TNNT1: variants seen among roughly 807,000 people sequenced by gnomAD.
The protein encoded by TNNT1 is troponin T, slow skeletal muscle.
Under a neutral mutation model 50.6 loss-of-function variants are expected in TNNT1, and 53 were observed. That is an observed-to-expected ratio of 1.05 (90% CI 0.84 to 1.32). TNNT1 has a LOEUF of 1.32. Among genes scored for constraint, TNNT1 ranks in the 40% most tolerant of loss-of-function variants. The pLI is 0.00. For synonymous variants in TNNT1, 142 were observed against 138.0 expected, an observed-to-expected ratio of 1.03 and a Z score of -0.20; for missense variants, 348 against 381.7, an observed-to-expected ratio of 0.91 and a Z score of 0.74.
At chr19:55,145,681 AG>A (rs2085536655) in intron 5 of TNNT1, 116 bp from the exon 6 acceptor site, 1 of 1,033,570 alleles carries the variant, frequency 9.7e-7, no homozygotes, top group East Asian at 2.4e-5. Context: ...ACCCCAGGGA[AG>A]GACTCTGGAG....
In TNNT1 at chr19:55,133,944, C is replaced by T; in HGVS notation, c.751-17G>A. The T allele has an allele frequency of 6.2e-7, 1 of 1,611,382 alleles. No homozygotes were observed. Among genetic ancestry groups the T allele is most frequent in the Non-Finnish European group, 8.5e-7 (1 of 1,180,014 alleles). On this transcript the variant is annotated splice_polypyrimidine_tract_variant and intron_variant, in intron 12 of 13. Coordinates refer to ENST00000588981, the MANE Select transcript of TNNT1 (RefSeq NM_003283.6). Reference sequence around the variant, plus strand: ...CACGTTGATCTGCGGAGGCAGAAGACAGATGCTGGGACAGCCGGTGGGGAC... The same window carrying T: ...CACGTTGATCTGCGGAGGCAGAAGATAGATGCTGGGACAGCCGGTGGGGAC...
In TNNT1 at chr19:55,145,706, G is replaced by A. The variant is rs932299654; in HGVS notation, c.107-141C>T. The A allele has an allele frequency of 2.4e-5, 19 of 797,704 alleles. No homozygotes were observed. The Middle Eastern group carries it at 1.4e-3, about 60-fold the overall frequency. 49.4% of individuals were successfully genotyped at this position (797,704 alleles called of 1,614,324 possible). A position where few individuals can be genotyped will look rare whatever the true frequency, so the allele number is the denominator to read the frequency against. ...AGGACTCTGGAGTCCAGTTCTGGAG[G>A]AGGGGGGATGGGGAGAAGAAAAGAG... On this transcript the variant is annotated intron_variant, in intron 5 of 13. Transcript: ENST00000588981.
intron 5 of TNNT1, 37 bp downstream of exon 5, chr19:55,146,397 C>G (rs573257853): frequency 2.2e-6 from 3 of 1,340,872 alleles, no homozygotes; most frequent in East Asian, 3.0e-5. Context: ...CCCGGGCCCC[C>G]GACATCGGTC....
Position 55,141,899 on chromosome 19 carries a change from C to A in TNNT1, c.150G>T (p.Leu50Phe), listed in dbSNP as rs1170778539. ...PKPSRPVVPPLIPPKIPEGER... is the reference protein window; with the variant it reads ...PKPSRPVVPPFIPPKIPEGER... ...CCCCTTCTGGGATCTTTGGCGGGAT[C>A]AAAGGAGGCACCACGGGGCGGCTGA... Residue 50 changes from leucine (L) to phenylalanine (F), a missense_variant, in exon 7 of 14, where the codon TTG becomes TTT. Transcript: ENST00000588981. 6.2e-7 allele frequency: 1 copy of A among 1,614,086 alleles called. No homozygotes were observed. The highest frequency in any genetic ancestry group is 8.5e-7 in the Non-Finnish European group (1 of 1,179,972).
intron 13 of TNNT1, chr19:55,133,644 C>T (rs1236327418): frequency 7.0e-6 from 4 of 575,500 alleles, no homozygotes; most frequent in Middle Eastern, 4.6e-4. Context: ...CTCCACTGCA[C>T]TCCAGCCTGG....
In TNNT1 at chr19:55,132,830, G is replaced by T; in HGVS notation, c.*85C>A. ...ATAATAACATCAGAGAACCCAGCGG[G>T]TGTCTGAGGGGAGCGTTTATTTCAA... On this transcript the variant is annotated 3_prime_UTR_variant, in exon 14 of 14. Coordinates refer to ENST00000588981, the MANE Select transcript of TNNT1 (RefSeq NM_003283.6). 7.7e-7 allele frequency: 1 copy of T among 1,296,516 alleles called. No individual in the cohort carries two copies. Among genetic ancestry groups the T allele is most frequent in the Non-Finnish European group, 1.1e-6 (1 of 914,308 alleles). 80.3% of individuals were successfully genotyped at this position (1,296,516 alleles called of 1,614,324 possible).
chr19:55,147,674 G>A (rs189363380), intron 1 of TNNT1, among the ~76,000 whole-genome samples: 9,088 of 92,504 alleles, frequency 0.098, 646 homozygotes, highest in African/African-American at 0.16. Flanking sequence ...AGGGAGGAGG[G>A]GCTGGGGTCT....
chr19:55,145,324 AGAAGGG>A, intron 6 of TNNT1: 2 of 595,570 alleles, frequency 3.4e-6, no homozygotes, highest in Non-Finnish European at 3.0e-6. Context: ...AAGGAGAAGG[AGAAGGG>A]GAAGGGGAAG....
At chr19:55,136,816 G>C (rs371110516) in intron 11 of TNNT1, among the ~76,000 whole-genome samples, 1 of 152,120 alleles carries the variant, frequency 6.6e-6, no homozygotes, top group Admixed American at 6.6e-5. Context: ...GGCACATCAC[G>C]GAGTTAACAA....
At chr19:55,140,478 C>T (rs1423586848) in intron 9 of TNNT1, among the ~76,000 whole-genome samples, 2 of 148,924 alleles carry the variant, frequency 1.3e-5, no homozygotes, top group African/African-American at 2.5e-5. Flanking sequence ...TCCAAATAAA[C>T]GAATAAAAAA....
chr19:55,142,009 CGCCAG>C, intron 6 of TNNT1, 89 bp from the exon 7 acceptor site: 1 of 1,363,484 alleles, frequency 7.3e-7, no homozygotes, highest in Non-Finnish European at 1.0e-6. Flanking sequence ...GTGAGGTAGC[CGCCAG>C]CCCCGGGAGG....
In TNNT1 at chr19:55,137,949, A is replaced by G. The variant is rs2085383589; in HGVS notation, c.501+12T>C. 1 of 1,614,074 alleles carries G rather than the reference A, an allele frequency of 6.2e-7. No homozygotes were observed. The highest frequency in any genetic ancestry group is 8.5e-7 in the Non-Finnish European group (1 of 1,179,986). ...CAGAACTCAGACCTCAGGCTCCTGCAGGCTGACTCACCTTGACCAGGTAGC... is the reference window on the plus strand; with the variant it reads ...CAGAACTCAGACCTCAGGCTCCTGCGGGCTGACTCACCTTGACCAGGTAGC... On this transcript the variant is annotated intron_variant, in intron 10 of 13. Coordinates refer to ENST00000588981, the MANE Select transcript of TNNT1 (RefSeq NM_003283.6).
chr19:55,133,968 A>G, intron 12 of TNNT1, 41 bp from the exon 13 acceptor site: 1 of 1,482,708 alleles, frequency 6.7e-7, no homozygotes. Flanking sequence ...GCCGGTGGGG[A>G]CGTGGGGACG....
At chr19:55,145,048 C>T (rs1208061537) in intron 6 of TNNT1, among the ~76,000 whole-genome samples, 1 of 150,694 alleles carries the variant, frequency 6.6e-6, no homozygotes, top group Non-Finnish European at 1.5e-5. Flanking sequence ...AATCCCAGCA[C>T]TTTGGGAGGC....
At chr19:55,138,867 G>A (rs1001616194) in intron 9 of TNNT1, among the ~76,000 whole-genome samples, 4 of 152,170 alleles carry the variant, frequency 2.6e-5, no homozygotes, top group East Asian at 1.9e-4. Flanking sequence ...AATATTGAGC[G>A]AAGGCATTAC....
At chr19:55,143,724 T>C (rs548223641) in intron 6 of TNNT1, among the ~76,000 whole-genome samples, 1 of 152,168 alleles carries the variant, frequency 6.6e-6, no homozygotes, top group East Asian at 1.9e-4. Context: ...CCAGTGAGCT[T>C]TCCTTTTCCC....
At chr19:55,145,663 C>T (rs1407020484) in intron 5 of TNNT1, 98 bp from the exon 6 acceptor site, 4 of 1,337,386 alleles carry the variant, frequency 3.0e-6, no homozygotes, top group Non-Finnish European at 4.3e-6. Context: ...CAAGCCTCGG[C>T]CCCCAGGACC....
At chr19:55,141,500 G>A (rs908428528) in intron 7 of TNNT1, among the ~76,000 whole-genome samples, 198 bp from the exon 8 acceptor site, 5 of 151,280 alleles carry the variant, frequency 3.3e-5, no homozygotes, top group African/African-American at 1.2e-4. Context: ...AGTGGGGACC[G>A]GCGCCTTTTT....
chr19:55,144,313 G>GC (rs1248922719), intron 6 of TNNT1, among the ~76,000 whole-genome samples: 1 of 151,768 alleles, frequency 6.6e-6, no homozygotes, highest in Non-Finnish European at 1.5e-5. Flanking sequence ...TAGGTAATCC[G>GC]CCCCCCTCAG....
Sources: allele counts gnomAD v4.1 joint callset (sites outside exome capture counted in the v4.1 genomes callset), GRCh38; gene constraint gnomAD v4.1.1; transcripts MANE v1.5; gene names NCBI Gene and HGNC (gene_info 2026-07-23, HGNC 2026-07-21).